The following AQP7B variants were observed in gnomAD, a reference collection of about 807,000 sequenced individuals.
AQP7B encodes the protein aquaporin 7B, also known as putative aquaporin-7B.
chr2:94,600,836 A>G, the AQP7B span, among the ~76,000 whole-genome samples: 1 of 150,592 alleles, frequency 6.6e-6, no homozygotes, highest in South Asian at 2.1e-4. Flanking sequence ...CCGAGATTGC[A>G]CCATTGCACT....
the AQP7B span, among the ~76,000 whole-genome samples, chr2:94,596,689 C>G: frequency 1.3e-5 from 2 of 152,174 alleles, no homozygotes; most frequent in Admixed American, 1.3e-4. Context: ...AGTATCTTAA[C>G]TGTTCACAAA....
chr2:94,597,795 A>C, the AQP7B span, among the ~76,000 whole-genome samples: 8 of 151,980 alleles, frequency 5.3e-5, no homozygotes, highest in Non-Finnish European at 1.2e-4. Flanking sequence ...AGGAAATACA[A>C]GGTTTCACCA....
the AQP7B span, chr2:94,602,377 G>C: frequency 9.0e-7 from 1 of 1,107,536 alleles, no homozygotes; most frequent in Non-Finnish European, 1.3e-6. Flanking sequence ...GGGTCTTCCA[G>C]GCAATGCCAG....
the AQP7B span, among the ~76,000 whole-genome samples, chr2:94,594,522 A>G: frequency 6.6e-6 from 1 of 152,156 alleles, no homozygotes; most frequent in African/African-American, 2.4e-5. Context: ...TCTAGTCCCA[A>G]CTAGAAGGGG....
the AQP7B span, chr2:94,604,607 A>G: frequency 6.6e-7 from 1 of 1,524,018 alleles, no homozygotes; most frequent in Non-Finnish European, 8.9e-7. Context: ...CCCTTCCCCA[A>G]TAAAGCAAAG....
chr2:94,603,345 T>G, the AQP7B span: 4 of 1,573,522 alleles, frequency 2.5e-6, no homozygotes, highest in Non-Finnish European at 3.5e-6. Context: ...TGGGGCTTAG[T>G]TGGGGGCAGG....
At chr2:94,604,385 C>A in the AQP7B span, 1 of 1,611,418 alleles carries the variant, frequency 6.2e-7, no homozygotes, top group Non-Finnish European at 8.5e-7. Flanking sequence ...CTCCACCATC[C>A]CACGGGAGCC....
At chr2:94,603,308 C>T in the AQP7B span, 9 of 1,495,388 alleles carry the variant, frequency 6.0e-6, no homozygotes, top group Non-Finnish European at 8.3e-6. Flanking sequence ...CACCCTCTAA[C>T]CTATAACCTC....
chr2:94,588,474 G>T, the AQP7B span: 2 of 626,416 alleles, frequency 3.2e-6, no homozygotes, highest in African/African-American at 3.7e-5. Flanking sequence ...TCCAGCCCTA[G>T]TGACCTCTCT....
At chr2:94,603,881 C>A in the AQP7B span, 2 of 1,367,364 alleles carry the variant, frequency 1.5e-6, no homozygotes, top group South Asian at 1.2e-5. Context: ...CGGGACCCGC[C>A]CCCCAGCATC....
At chr2:94,601,263 C>T in the AQP7B span, among the ~76,000 whole-genome samples, 1 of 152,200 alleles carries the variant, frequency 6.6e-6, no homozygotes, top group African/African-American at 2.4e-5. Flanking sequence ...TAGTGCTTAA[C>T]TATCATTTGC....
At chr2:94,590,242 G>T in the AQP7B span, among the ~76,000 whole-genome samples, 1 of 152,174 alleles carries the variant, frequency 6.6e-6, no homozygotes. Flanking sequence ...AAGTGCAGTG[G>T]CATGATCTCG....
the AQP7B span, chr2:94,603,046 T>A: frequency 2.5e-6 from 4 of 1,597,474 alleles, no homozygotes; most frequent in African/African-American, 1.3e-5. Flanking sequence ...GGAGCCCACA[T>A]GAATGCAGCT....
At chr2:94,587,626 T>G in the AQP7B span, among the ~76,000 whole-genome samples, 7 of 152,270 alleles carry the variant, frequency 4.6e-5, no homozygotes, top group African/African-American at 1.7e-4. Context: ...GGGCCTCAGT[T>G]TCCTTACCTG....
the AQP7B span, among the ~76,000 whole-genome samples, chr2:94,596,791 C>G: frequency 1.3e-5 from 2 of 152,168 alleles, no homozygotes; most frequent in Non-Finnish European, 2.9e-5. Flanking sequence ...CCCCCACCTC[C>G]CATACTCAAG....
At chr2:94,594,700 A>G in the AQP7B span, 5 of 1,369,288 alleles carry the variant, frequency 3.7e-6, no homozygotes, top group South Asian at 1.2e-5. Flanking sequence ...CAGCAGGCAA[A>G]CTTGAGTCTC....
the AQP7B span, chr2:94,604,163 G>T: frequency 1.0e-6 from 1 of 1,002,888 alleles, no homozygotes; most frequent in Non-Finnish European, 1.5e-6. Context: ...AGGGCCCTGG[G>T]TTGGGGGTGT....
chr2:94,599,072 G>C, the AQP7B span, among the ~76,000 whole-genome samples: 4 of 152,192 alleles, frequency 2.6e-5, no homozygotes, highest in Non-Finnish European at 5.9e-5. Flanking sequence ...AAAGTGCTGG[G>C]ATTACAGGCG....
the AQP7B span, among the ~76,000 whole-genome samples, chr2:94,597,444 T>C: frequency 2.2e-3 from 340 of 152,280 alleles, 1 homozygote; most frequent in African/African-American, 7.6e-3. Context: ...AAGCCCCTTA[T>C]GTGCAGCATC....
Sources: gnomAD v4.1 joint callset for allele counts (sites outside exome capture counted in the v4.1 genomes callset) on GRCh38, gnomAD v4.1.1 for gene constraint, MANE v1.5 for transcripts, NCBI Gene and HGNC (gene_info 2026-07-23, HGNC 2026-07-21) for gene names.